STATH: variants seen among roughly 807,000 people sequenced by gnomAD.
STATH encodes statherin.
A neutral mutation model predicts 13.3 loss-of-function variants in STATH; 11 were observed. The observed-to-expected ratio is 0.83, with a 90% CI of 0.52 to 1.37. STATH has a LOEUF of 1.37. Ranked by LOEUF, STATH falls within the 40% of genes most tolerant of loss-of-function variation. STATH has a pLI of 0.00. For synonymous variants in STATH, 25 were observed against 23.6 expected (o/e 1.06, Z -0.17); for missense variants, 78 against 73.3 (o/e 1.06, Z -0.24).
intron 1 of STATH, among the ~76,000 whole-genome samples, chr4:69,998,004 C>T (rs1208290529): frequency 6.6e-6 from 1 of 152,116 alleles, no homozygotes; most frequent in Non-Finnish European, 1.5e-5. Context: ...CCAGTTTTAT[C>T]TTCTGATAAA....
rs992364332 is a variant in STATH, at chr4:70,002,430, C to G, written c.*275C>G. 2 of 151,780 alleles carry G rather than the reference C, an allele frequency of 1.3e-5. No homozygotes were observed. The highest frequency in any genetic ancestry group is 6.6e-5 in the Admixed American group (1 of 15,176). 9.4% of individuals were successfully genotyped at this position (151,780 alleles called of 1,614,324 possible). On this transcript the variant is annotated 3_prime_UTR_variant, in exon 6 of 6. Transcript: ENST00000246895. Reference sequence around the variant, plus strand: ...ATAATAGAAATCACTTCTCTAAAAGCAATAAATTTCAAGCACATTTTTACA... The same window carrying G: ...ATAATAGAAATCACTTCTCTAAAAGGAATAAATTTCAAGCACATTTTTACA...
At chr4:69,996,693 A>G (rs908508468) in intron 1 of STATH, among the ~76,000 whole-genome samples, 2 of 151,948 alleles carry the variant, frequency 1.3e-5, no homozygotes, top group African/African-American at 2.4e-5. Context: ...ATATATTTAT[A>G]TATCTATGTC....
At position 70,000,962 on chromosome 4, in the gene STATH, C is replaced by A; in HGVS notation, c.*13C>A. 6.2e-7 allele frequency: 1 copy of A among 1,604,008 alleles called. No individual in the cohort carries two copies. The highest frequency in any genetic ancestry group is 2.2e-5 in the East Asian group (1 of 44,762). On this transcript the variant is annotated 3_prime_UTR_variant, in exon 5 of 6. Transcript: ENST00000246895. Reference sequence around the variant, plus strand: ...ATATACCTTTTAATATCATCAGTAACTGCAGGACATGATTATTGAGGTAAG... The same window carrying A: ...ATATACCTTTTAATATCATCAGTAAATGCAGGACATGATTATTGAGGTAAG...
In STATH at chr4:69,996,774, C is replaced by T. The variant is rs143318648; in HGVS notation, c.-16+749C>T. 1.9e-4 allele frequency among the ~76,000 whole-genome samples: 29 copies of T among 151,560 alleles called. 1 individual carries two copies. The highest frequency in any genetic ancestry group is 5.8e-4 in the African/African-American group (24 of 41,362). On this transcript the variant is annotated intron_variant, in intron 1 of 5. Coordinates refer to ENST00000246895, the MANE Select transcript of STATH (RefSeq NM_003154.3). Reference sequence around the variant, plus strand: ...CTCTTCTATGAGCATTTTTTGATTCCATACTTTCAATAAAATTTACAGGTA... The same window carrying T: ...CTCTTCTATGAGCATTTTTTGATTCTATACTTTCAATAAAATTTACAGGTA...
Position 70,002,243 on chromosome 4 carries a change from C to T in STATH, c.*88C>T, listed in dbSNP as rs1724689104. On this transcript the variant is annotated 3_prime_UTR_variant, in exon 6 of 6. Transcript: ENST00000246895. Reference sequence around the variant, plus strand: ...CATATTCTCATCTTTCATACCATATCACACTACTACCACTTTTTGAAGAAT... The same window carrying T: ...CATATTCTCATCTTTCATACCATATTACACTACTACCACTTTTTGAAGAAT... The T allele has an allele frequency of 6.6e-6, 1 of 151,402 alleles. No homozygotes were observed. Among genetic ancestry groups the T allele is most frequent in the African/African-American group, 2.4e-5 (1 of 41,302 alleles). 9.4% of individuals were successfully genotyped at this position (151,402 alleles called of 1,614,324 possible).
At position 70,000,848 on chromosome 4, in the gene STATH, C is replaced by G; in HGVS notation, c.103-15C>G. ...TCAATTTTCTGCAATTTTCTTTCTC[C>G]TTGTGTGTATACAGTATGGGTATGG... is the stretch of plus-strand genomic sequence containing the variant. On this transcript the variant is annotated splice_polypyrimidine_tract_variant and intron_variant, in intron 4 of 5. Transcript: ENST00000246895. 1 of 1,604,388 alleles carries G rather than the reference C, an allele frequency of 6.2e-7. No individual in the cohort carries two copies. Among genetic ancestry groups the G allele is most frequent in the Non-Finnish European group, 8.5e-7 (1 of 1,171,972 alleles).
At chr4:69,996,137 TAAAG>T (rs1452278822) in intron 1 of STATH, 112 bp downstream of exon 1, 1 of 152,154 alleles carries the variant, frequency 6.6e-6, no homozygotes, top group African/African-American at 2.4e-5. Flanking sequence ...TAATTTCTCA[TAAAG>T]AAACAATTGA....
At chr4:69,996,298 T>G (rs1263816330) in intron 1 of STATH, among the ~76,000 whole-genome samples, 1 of 152,174 alleles carries the variant, frequency 6.6e-6, no homozygotes, top group Admixed American at 6.5e-5. Context: ...CTGAAAAGCT[T>G]TTTATTTCCT....
intron 4 of STATH, 99 bp downstream of exon 4, chr4:69,999,908 A>C: frequency 6.0e-6 from 8 of 1,343,462 alleles, no homozygotes; most frequent in Non-Finnish European, 8.4e-6. Context: ...AAATATGTGT[A>C]GTAGTTGCAA....
chr4:69,998,659 T>C (rs1186225613), intron 2 of STATH, 171 bp downstream of exon 2: 2 of 453,202 alleles, frequency 4.4e-6, no homozygotes, highest in Non-Finnish European at 7.8e-6. Context: ...TATAAGGATT[T>C]AGAATAAATA....
At chr4:69,999,469 T>G (rs1724591958) in intron 2 of STATH, among the ~76,000 whole-genome samples, 198 bp from the exon 3 acceptor site, 1 of 151,906 alleles carries the variant, frequency 6.6e-6, no homozygotes, top group Non-Finnish European at 1.5e-5. Flanking sequence ...TATTTGAATA[T>G]AGCACACTAA....
chr4:70,000,215 G>T, intron 4 of STATH: 1 of 173,502 alleles, frequency 5.8e-6, no homozygotes, highest in Non-Finnish European at 1.2e-5. Context: ...AAATTAAACA[G>T]GTCATGATAA....
chr4:70,002,307 C>T lies in STATH; in HGVS notation c.*152C>T, dbSNP rs1724690731. On this transcript the variant is annotated 3_prime_UTR_variant, in exon 6 of 6. Transcript: ENST00000246895. ...TGCAAATGAAAAACACTATAATTTACTGTATACTCTTTGTTTCAGGATACT... is the reference window on the plus strand; with the variant it reads ...TGCAAATGAAAAACACTATAATTTATTGTATACTCTTTGTTTCAGGATACT... 1 of 151,614 alleles carries T rather than the reference C, an allele frequency of 6.6e-6. No homozygotes were observed. The highest frequency in any genetic ancestry group is 1.5e-5 in the Non-Finnish European group (1 of 67,744). The allele number at this position is 151,614 out of a possible 1,614,324, so 9.4% of individuals were successfully genotyped here.
At chr4:70,000,065 T>C (rs556338533) in intron 4 of STATH, 38 of 460,366 alleles carry the variant, frequency 8.3e-5, no homozygotes, top group Admixed American at 1.5e-4. Context: ...TCCTAAGTAA[T>C]CACTTTGACC....
chr4:70,000,648 G>C, intron 4 of STATH: 1 of 478,136 alleles, frequency 2.1e-6, no homozygotes. Flanking sequence ...ACAAAACTGT[G>C]AACATGCAGT....
At chr4:69,996,265 C>A (rs997171517) in intron 1 of STATH, among the ~76,000 whole-genome samples, 26 of 152,152 alleles carry the variant, frequency 1.7e-4, no homozygotes, top group East Asian at 1.9e-4. Context: ...AGACATATTC[C>A]AACTTCTCTC....
intron 4 of STATH, chr4:70,000,293 G>A (rs1384620567): frequency 1.2e-5 from 2 of 160,412 alleles, no homozygotes; most frequent in Admixed American, 1.2e-4. Flanking sequence ...CCAGTATGTT[G>A]ACATATAATG....
intron 1 of STATH, among the ~76,000 whole-genome samples, chr4:69,997,311 A>C (rs2109680005): frequency 6.6e-6 from 1 of 152,202 alleles, no homozygotes; most frequent in Non-Finnish European, 1.5e-5. Context: ...GCCATAAATC[A>C]TGAGTTCTGC....
In STATH at chr4:69,998,464, C is replaced by T. The variant is rs1226578117; in HGVS notation, c.27C>T (p.Ile9=). Residue 9 remains isoleucine, a synonymous_variant, in exon 2 of 6, where the codon ATC becomes ATT. Coordinates refer to ENST00000246895, the MANE Select transcript of STATH (RefSeq NM_003154.3). The part of the protein sequence containing the change: MKFLVFAF[I]LALMVSMIGA... ...TGAAGTTCCTTGTCTTTGCCTTCAT[C>T]TTGGCTCTCATGGTTTCCATGATTG... The T allele has an allele frequency of 6.2e-7, 1 of 1,612,800 alleles. No homozygotes were observed. Among genetic ancestry groups the T allele is most frequent in the Admixed American group, 1.7e-5 (1 of 59,928 alleles).
Sources: allele counts gnomAD v4.1 joint callset (sites outside exome capture counted in the v4.1 genomes callset), GRCh38; gene constraint gnomAD v4.1.1; transcripts MANE v1.5; gene names NCBI Gene and HGNC (gene_info 2026-07-23, HGNC 2026-07-21).